SNTG2: variants seen among roughly 807,000 people sequenced by gnomAD.
SNTG2 encodes gamma-2-syntrophin.
Under a neutral mutation model 70.9 loss-of-function variants are expected in SNTG2, and 74 were observed. The ratio of observed to expected loss-of-function variants is 1.04; its 90% confidence interval spans 0.86 to 1.27. SNTG2 has a LOEUF of 1.27. Ranked by LOEUF, SNTG2 falls within the 50% of genes most tolerant of loss-of-function variation. The pLI, the probability that SNTG2 is intolerant of heterozygous loss-of-function variation, is 0.00. For synonymous variants in SNTG2, 278 were observed against 273.8 expected (o/e 1.02, Z -0.15); for missense variants, 717 against 690.7 (o/e 1.04, Z -0.43).
At chr2:1,271,749 A>C (rs561430546) in intron 14 of SNTG2, among the ~76,000 whole-genome samples, 2 of 152,242 alleles carry the variant, frequency 1.3e-5, no homozygotes, top group South Asian at 4.1e-4. Context: ...CCCATTGAGG[A>C]TGTCCCCTTC....
intron 1 of SNTG2, among the ~76,000 whole-genome samples, chr2:968,223 T>G (rs1248639160): frequency 6.6e-6 from 1 of 152,198 alleles, no homozygotes; most frequent in Non-Finnish European, 1.5e-5. Flanking sequence ...TGATAGTGTC[T>G]GTCTTTCAGG....
At chr2:1,331,210 A>G (rs1272529265) in intron 16 of SNTG2, among the ~76,000 whole-genome samples, 2 of 152,234 alleles carry the variant, frequency 1.3e-5, no homozygotes, top group African/African-American at 4.8e-5. Flanking sequence ...TCTTCTCTTC[A>G]GGGCAAAAGA....
chr2:1,045,854 G>T (rs1171050195), intron 1 of SNTG2, among the ~76,000 whole-genome samples: 2 of 152,060 alleles, frequency 1.3e-5, no homozygotes, highest in African/African-American at 4.8e-5. Context: ...TTTTCTTGTT[G>T]TGTGAAGTGT....
chr2:1,282,710 C>CGCA (rs1558177354), intron 14 of SNTG2, among the ~76,000 whole-genome samples: 1 of 149,442 alleles, frequency 6.7e-6, no homozygotes. Context: ...CTGCCTCCCC[C>CGCA]GCACTGTGCA....
At chr2:978,838 G>A (rs1453885345) in intron 1 of SNTG2, among the ~76,000 whole-genome samples, 5 of 152,148 alleles carry the variant, frequency 3.3e-5, no homozygotes, top group African/African-American at 1.2e-4. Flanking sequence ...GTATGAACCT[G>A]GGAAAGTCCC....
intron 1 of SNTG2, among the ~76,000 whole-genome samples, chr2:962,257 C>T (rs756322012): frequency 8.6e-5 from 13 of 151,382 alleles, no homozygotes; most frequent in African/African-American, 1.2e-4. Context: ...ACTTTTATAC[C>T]GATGGGGTCC....
intron 14 of SNTG2, among the ~76,000 whole-genome samples, chr2:1,278,532 TA>T (rs1679364559): frequency 6.6e-6 from 1 of 152,222 alleles, no homozygotes; most frequent in African/African-American, 2.4e-5. Context: ...TTCTTTTATT[TA>T]AAAAAATTTT....
chr2:1,275,681 G>A (rs1679238876), intron 14 of SNTG2, among the ~76,000 whole-genome samples: 1 of 151,996 alleles, frequency 6.6e-6, no homozygotes, highest in Non-Finnish European at 1.5e-5. Flanking sequence ...ACCCTGGAAT[G>A]GCCTTGAAGT....
chr2:1,334,335 CCTG>C (rs1264921218), intron 16 of SNTG2, among the ~76,000 whole-genome samples: 2 of 152,140 alleles, frequency 1.3e-5, no homozygotes, highest in Admixed American at 1.3e-4. Flanking sequence ...AACACTTTTA[CCTG>C]CTGGTGGGAA....
At chr2:1,128,053 A>T (rs1667804759) in intron 4 of SNTG2, among the ~76,000 whole-genome samples, 1 of 152,126 alleles carries the variant, frequency 6.6e-6, no homozygotes, top group South Asian at 2.1e-4. Context: ...TTTTCCATTA[A>T]GCATAATGTT....
chr2:1,280,478 A>T (rs982335070), intron 14 of SNTG2, among the ~76,000 whole-genome samples: 1 of 152,162 alleles, frequency 6.6e-6, no homozygotes, highest in Admixed American at 6.5e-5. Context: ...TAAATACACA[A>T]CAGTTGCACA....
intron 4 of SNTG2, among the ~76,000 whole-genome samples, chr2:1,127,972 C>T (rs1274516124): frequency 6.6e-6 from 1 of 152,162 alleles, no homozygotes; most frequent in Non-Finnish European, 1.5e-5. Context: ...AGTGCTCTAG[C>T]TAGGACTTCC....
chr2:951,914 A>G (rs1659982481), intron 1 of SNTG2, among the ~76,000 whole-genome samples: 1 of 152,196 alleles, frequency 6.6e-6, no homozygotes, highest in Admixed American at 6.5e-5. Context: ...GACCAGGAAT[A>G]CAGTTAGCCC....
At chr2:1,177,020 T>C (rs904716514) in intron 8 of SNTG2, among the ~76,000 whole-genome samples, 2 of 152,190 alleles carry the variant, frequency 1.3e-5, no homozygotes, top group African/African-American at 4.8e-5. Context: ...ATTACAATAA[T>C]ACATGCATGT....
At chr2:996,673 G>GTTTTTTTTCTTTTTTTTTTTTTTTTTTT (rs1661691027) in intron 1 of SNTG2, among the ~76,000 whole-genome samples, 1 of 35,114 alleles carries the variant, frequency 2.8e-5, no homozygotes, top group Non-Finnish European at 4.9e-5. Flanking sequence ...GAGTTACCCA[G>GTTTTTTTTCTTTTTTTTTTTTTTTTTTT]TTTTTTTTTT....
intron 16 of SNTG2, among the ~76,000 whole-genome samples, chr2:1,332,230 T>C (rs548399944): frequency 1.6e-4 from 25 of 152,326 alleles, no homozygotes; most frequent in African/African-American, 6.0e-4. Context: ...AATTGGCCAT[T>C]CAGAAATTAG....
At chr2:1,033,188 G>C (rs1405391448) in intron 1 of SNTG2, among the ~76,000 whole-genome samples, 1 of 152,176 alleles carries the variant, frequency 6.6e-6, no homozygotes, top group Non-Finnish European at 1.5e-5. Flanking sequence ...ATGAGATTTG[G>C]AGGAAACAGC....
intron 7 of SNTG2, among the ~76,000 whole-genome samples, chr2:1,168,952 C>T (rs1670939253): frequency 6.6e-6 from 1 of 152,116 alleles, no homozygotes; most frequent in Admixed American, 6.5e-5. Context: ...GTGGTGCACC[C>T]CTGGGGTTTT....
chr2:1,098,985 C>G (rs112603001), intron 4 of SNTG2, among the ~76,000 whole-genome samples: 1 of 151,246 alleles, frequency 6.6e-6, no homozygotes, highest in Non-Finnish European at 1.5e-5. Flanking sequence ...TGTGTAGAAT[C>G]GAAAAGTGAG....
Sources: gnomAD v4.1 joint callset for allele counts (sites outside exome capture counted in the v4.1 genomes callset) on GRCh38, gnomAD v4.1.1 for gene constraint, MANE v1.5 for transcripts, NCBI Gene and HGNC (gene_info 2026-07-23, HGNC 2026-07-21) for gene names.